The following RORB variants were observed in gnomAD, a reference collection of about 807,000 sequenced individuals.
RORB encodes the protein RAR related orphan receptor B, also known as nuclear receptor ROR-beta.
RORB carries 6 observed loss-of-function variants against 59.1 expected under a neutral mutation model. The ratio of observed to expected loss-of-function variants is 0.10; its 90% CI spans 0.06 to 0.20. The LOEUF (loss-of-function observed/expected upper bound fraction) is 0.20, where lower values mean the gene tolerates loss of function less well. RORB is among the 10% of genes least tolerant of loss of function. The pLI is 1.00. For missense variants in RORB, 320 were observed against 560.5 expected (o/e 0.57, Z 4.33); for synonymous variants, 215 against 204.5 (o/e 1.05, Z -0.44).
At chr9:74,576,926 A>G (rs1822644476) in intron 1 of RORB, among the ~76,000 whole-genome samples, 1 of 152,044 alleles carries the variant, frequency 6.6e-6, no homozygotes, top group Non-Finnish European at 1.5e-5. Context: ...GTCTACAGTC[A>G]CACAGCCTGT....
At chr9:74,649,912 A>C (rs1823965156) in intron 4 of RORB, among the ~76,000 whole-genome samples, 1 of 152,130 alleles carries the variant, frequency 6.6e-6, no homozygotes, top group Admixed American at 6.5e-5. Flanking sequence ...AACTATGCAA[A>C]ATTTATCTTC....
At chr9:74,658,004 CAAAAAAAAAAAAA>C (rs60719147) in intron 4 of RORB, among the ~76,000 whole-genome samples, 4 of 97,830 alleles carry the variant, frequency 4.1e-5, no homozygotes, top group Admixed American at 1.1e-4. Context: ...GACTCGGTCT[CAAAAAAAAAAAAA>C]AAAAAAAAAA....
intron 5 of RORB, 96 bp from the exon 6 acceptor site, chr9:74,662,378 A>T (rs1824201889): frequency 8.5e-7 from 1 of 1,181,724 alleles, no homozygotes; most frequent in Admixed American, 1.9e-5. Flanking sequence ...TTTGGCCCCA[A>T]GTGACAGATA....
At position 74,540,227 on chromosome 9, in the gene RORB, G is replaced by T. The variant is rs146404967; in HGVS notation, c.7+42244G>T. 1.2e-3 allele frequency among the ~76,000 whole-genome samples: 175 copies of T among 152,156 alleles called. 2 individuals are homozygous for T. Among genetic ancestry groups the T allele is most frequent in the African/African-American group, 4.0e-3 (164 of 41,512 alleles). ...ATATATAACAGAGAATATATTGAGG[G>T]CTTTTGCTGCCACCCCTGCCCCCTC... On this transcript the variant is annotated intron_variant, in intron 1 of 9. Transcript: ENST00000376896.
chr9:74,662,617 A>C lies in RORB; in HGVS notation c.892+11A>C. 1 of 1,612,684 alleles carries C rather than the reference A, an allele frequency of 6.2e-7. No individual in the cohort carries two copies. The highest frequency in any genetic ancestry group is 8.5e-7 in the Non-Finnish European group (1 of 1,179,946). On this transcript the variant is annotated intron_variant, in intron 6 of 9. Transcript: ENST00000376896. ...TACTTCTGAAGTCAGGTAAGCAAGA[A>C]GATTCATGGGAGGCCTATTTCAGAT...
chr9:74,631,561 C>G (rs1823619601), intron 2 of RORB, among the ~76,000 whole-genome samples: 1 of 152,080 alleles, frequency 6.6e-6, no homozygotes, highest in African/African-American at 2.4e-5. Context: ...ATTGACAATG[C>G]CTTCCTAATG....
intron 1 of RORB, among the ~76,000 whole-genome samples, chr9:74,566,176 AC>A (rs1227859348): frequency 6.6e-6 from 1 of 152,112 alleles, no homozygotes; most frequent in Non-Finnish European, 1.5e-5. Context: ...AAAATCCAAG[AC>A]CAGGGAAATC....
Position 74,640,433 on chromosome 9 carries a change from C to CTGTGTG in RORB, c.236-1961_236-1956dup, listed in dbSNP as rs71368671. ...CACATACCACCATACTCGGCTAATTCTGTGTGTGTGTGTGTGTGTGTGTGT... is the reference window on the plus strand; with the variant it reads ...CACATACCACCATACTCGGCTAATTCTGTGTGTGTGTGTGTGTGTGTGTGTGTGTGT... On this transcript the variant is annotated intron_variant, in intron 3 of 9. Transcript: ENST00000376896. Among the ~76,000 whole-genome samples, 468 of 148,420 alleles carry CTGTGTG rather than the reference C, an allele frequency of 3.2e-3. 7 individuals carry two copies. The highest frequency in any genetic ancestry group is 0.013 in the East Asian group (62 of 4,888).
chr9:74,577,086 CT>C (rs1042991148), intron 1 of RORB, among the ~76,000 whole-genome samples: 1 of 152,060 alleles, frequency 6.6e-6, no homozygotes, highest in African/African-American at 2.4e-5. Context: ...ATGTATTCTG[CT>C]GAAGGGAGAT....
chr9:74,631,679 T>A (rs1231070649), intron 2 of RORB, among the ~76,000 whole-genome samples: 1 of 152,174 alleles, frequency 6.6e-6, no homozygotes, highest in Non-Finnish European at 1.5e-5. Context: ...GATATTAACG[T>A]ACTAACCTGT....
At chr9:74,560,639 T>A (rs1158294510) in intron 1 of RORB, among the ~76,000 whole-genome samples, 4 of 151,822 alleles carry the variant, frequency 2.6e-5, no homozygotes, top group Admixed American at 2.6e-4. Flanking sequence ...ATCTTAGTCA[T>A]TCTTTTGAAA....
intron 1 of RORB, among the ~76,000 whole-genome samples, chr9:74,527,488 A>G (rs1826172116): frequency 6.6e-6 from 1 of 152,080 alleles, no homozygotes. Flanking sequence ...AGTTCTACAA[A>G]GAATAATAAA....
In RORB at chr9:74,613,873, C is replaced by T. The variant is rs903928442; in HGVS notation, c.8-16409C>T. Among the ~76,000 whole-genome samples the T allele has an allele frequency of 2.6e-5, 4 of 152,274 alleles. No individual in the cohort carries two copies. In the South Asian group the frequency reaches 8.3e-4, roughly 32 times the overall value. On this transcript the variant is annotated intron_variant, in intron 1 of 9. Transcript: ENST00000376896. ...GTTAATTCACTTCGGATAATGGCATCCAGCTGCATTTACGTTGCTTTAAAG... is the reference window on the plus strand; with the variant it reads ...GTTAATTCACTTCGGATAATGGCATTCAGCTGCATTTACGTTGCTTTAAAG...
chr9:74,677,228 A>G (rs1270621973), intron 9 of RORB, among the ~76,000 whole-genome samples: 1 of 152,148 alleles, frequency 6.6e-6, no homozygotes, highest in Non-Finnish European at 1.5e-5. Context: ...TCCCATTCCA[A>G]TAAGGCTCAG....
rs1269953707 is a variant in RORB, at chr9:74,686,122, T to C, written c.*504T>C. The C allele has an allele frequency of 6.5e-6, 1 of 152,680 alleles. No individual in the cohort carries two copies. The allele number at this position is 152,680 out of a possible 1,614,324, so 9.5% of individuals were successfully genotyped here. ...ATATAATATGTGAGAATATTATATA[T>C]GACTATTACTTATACATGCACATGC... is the stretch of plus-strand genomic sequence containing the variant. On this transcript the variant is annotated 3_prime_UTR_variant, in exon 10 of 10. Transcript: ENST00000376896.
At chr9:74,543,111 C>T (rs1826433925) in intron 1 of RORB, among the ~76,000 whole-genome samples, 1 of 152,190 alleles carries the variant, frequency 6.6e-6, no homozygotes, top group South Asian at 2.1e-4. Flanking sequence ...AGCCTTCAGA[C>T]AGACGGGCCC....
chr9:74,603,152 G>A (rs1323366), intron 1 of RORB, among the ~76,000 whole-genome samples: 121 of 152,262 alleles, frequency 7.9e-4, no homozygotes, highest in Middle Eastern at 3.4e-3. Flanking sequence ...AAGAGTTTCA[G>A]GTACTCAACC....
chr9:74,652,895 C>A (rs936190824), intron 4 of RORB, among the ~76,000 whole-genome samples: 1 of 152,110 alleles, frequency 6.6e-6, no homozygotes, highest in Non-Finnish European at 1.5e-5. Context: ...ACTCTTCCTC[C>A]GAATCTACAG....
intron 1 of RORB, among the ~76,000 whole-genome samples, chr9:74,573,196 C>A (rs1822579194): frequency 6.6e-6 from 1 of 151,956 alleles, no homozygotes. Flanking sequence ...TATGTGGTGC[C>A]ATTTTGGACA....
Sources: allele counts gnomAD v4.1 joint callset (sites outside exome capture counted in the v4.1 genomes callset), GRCh38; gene constraint gnomAD v4.1.1; transcripts MANE v1.5; gene names NCBI Gene and HGNC (gene_info 2026-07-23, HGNC 2026-07-21).